Variants in L3MBTL4 observed in about 807,000 individuals in gnomAD.
L3MBTL4 encodes lethal(3)malignant brain tumor-like protein 4.
In L3MBTL4, 70 loss-of-function variants were observed where a neutral mutation model predicts 84.5. That is an observed-to-expected ratio of 0.83 (90% CI 0.68 to 1.01). The LOEUF (loss-of-function observed/expected upper bound fraction) is 1.01, where lower values mean the gene tolerates loss of function less well. Among genes scored for constraint, L3MBTL4 ranks in the 50% least tolerant of loss-of-function variants. L3MBTL4 has a pLI of 0.00. For missense variants in L3MBTL4, 715 were observed against 754.8 expected (o/e 0.95, Z 0.62); for synonymous variants, 274 against 259.8 (o/e 1.05, Z -0.52).
intron 13 of L3MBTL4, 128 bp from the exon 14 acceptor site, chr18:6,138,424 A>G (rs571970865): frequency 6.8e-6 from 4 of 589,094 alleles, no homozygotes; most frequent in Non-Finnish European, 1.2e-5. Flanking sequence ...AACCACTTAC[A>G]GGTGACTTAC....
At chr18:6,188,081 T>G (rs2044868940) in intron 12 of L3MBTL4, among the ~76,000 whole-genome samples, 2 of 151,984 alleles carry the variant, frequency 1.3e-5, no homozygotes, top group Non-Finnish European at 2.9e-5. Context: ...TCCTGAGTAT[T>G]TCAAGTCTAT....
At chr18:5,980,037 G>A (rs1036445690) in intron 16 of L3MBTL4, among the ~76,000 whole-genome samples, 1 of 152,192 alleles carries the variant, frequency 6.6e-6, no homozygotes, top group African/African-American at 2.4e-5. Context: ...GCTTGTCCCT[G>A]GCACAGAAAG....
At chr18:6,115,379 C>T (rs2059326565) in intron 14 of L3MBTL4, among the ~76,000 whole-genome samples, 2 of 152,158 alleles carry the variant, frequency 1.3e-5, no homozygotes, top group South Asian at 2.1e-4. Flanking sequence ...AGAATTTAGT[C>T]ATAATCAGAA....
At chr18:6,033,814 T>C (rs76859105) in intron 16 of L3MBTL4, among the ~76,000 whole-genome samples, 2,415 of 152,310 alleles carry the variant, frequency 0.016, 76 homozygotes, top group African/African-American at 0.055. Flanking sequence ...AACTCTGCTC[T>C]CACCCTTTTT....
At position 6,030,237 on chromosome 18, in the gene L3MBTL4, A is replaced by G. The variant is rs568675004; in HGVS notation, c.1444+50644T>C. ...CAAGGGAGGAAACTGAAGGCTGAGG[A>G]TCAGGTTCAGGGAGAGATACCCCCT... is the stretch of plus-strand genomic sequence containing the variant. On this transcript the variant is annotated intron_variant, in intron 16 of 18. Coordinates refer to ENST00000317931, the MANE Select transcript of L3MBTL4 (RefSeq NM_001330559.2). 192 of 935,582 alleles carry G rather than the reference A, an allele frequency of 2.1e-4. 3 individuals are homozygous for G. In the South Asian group the frequency reaches 8.6e-3, roughly 42 times the overall value. 58.0% of individuals were successfully genotyped at this position (935,582 alleles called of 1,614,324 possible).
At chr18:6,053,059 T>A (rs766380483) in intron 16 of L3MBTL4, among the ~76,000 whole-genome samples, 1 of 152,208 alleles carries the variant, frequency 6.6e-6, no homozygotes, top group Non-Finnish European at 1.5e-5. Context: ...CCTTGTTCAT[T>A]GTGTCTTTCT....
intron 4 of L3MBTL4, among the ~76,000 whole-genome samples, chr18:6,294,326 T>C (rs2049996809): frequency 6.6e-6 from 1 of 152,188 alleles, no homozygotes; most frequent in Non-Finnish European, 1.5e-5. Flanking sequence ...AAAATAGGCA[T>C]GTCAGCAAAT....
At chr18:6,064,999 C>T (rs2057354285) in intron 16 of L3MBTL4, among the ~76,000 whole-genome samples, 1 of 151,794 alleles carries the variant, frequency 6.6e-6, no homozygotes, top group Non-Finnish European at 1.5e-5. Flanking sequence ...CCTTATATGG[C>T]TTTTGTTATT....
At chr18:6,044,759 G>C (rs148100784) in intron 16 of L3MBTL4, among the ~76,000 whole-genome samples, 209 of 152,280 alleles carry the variant, frequency 1.4e-3, no homozygotes, top group African/African-American at 4.9e-3. Context: ...GCACAGAAGA[G>C]GTCTGCCCTG....
intron 14 of L3MBTL4, among the ~76,000 whole-genome samples, chr18:6,130,276 A>T (rs1423526802): frequency 6.7e-6 from 1 of 148,764 alleles, no homozygotes; most frequent in Non-Finnish European, 1.5e-5. Flanking sequence ...ACACACATTC[A>T]CTCACAAAGG....
Position 6,180,410 on chromosome 18 carries a change from A to G in L3MBTL4, c.982-8468T>C, listed in dbSNP as rs1599034632. On this transcript the variant is annotated intron_variant, in intron 12 of 18. Coordinates refer to ENST00000317931, the MANE Select transcript of L3MBTL4 (RefSeq NM_001330559.2). ...CTGAAGTGCTGTTCTGTGGTTTTGGAACCGGCTGCCCCTAGGTTTGTTCCT... is the reference window on the plus strand; with the variant it reads ...CTGAAGTGCTGTTCTGTGGTTTTGGGACCGGCTGCCCCTAGGTTTGTTCCT... Among the ~76,000 whole-genome samples the G allele has an allele frequency of 2.0e-5, 3 of 152,038 alleles. No homozygotes were observed. In the East Asian group the frequency reaches 5.8e-4, roughly 29 times the overall value.
intron 14 of L3MBTL4, among the ~76,000 whole-genome samples, chr18:6,096,917 G>T (rs2058662241): frequency 6.6e-6 from 1 of 152,200 alleles, no homozygotes; most frequent in South Asian, 2.1e-4. Context: ...GAAACTGCAG[G>T]CTGAGAGGGG....
At chr18:6,173,971 C>G (rs1360981240) in intron 12 of L3MBTL4, among the ~76,000 whole-genome samples, 1 of 152,022 alleles carries the variant, frequency 6.6e-6, no homozygotes, top group African/African-American at 2.4e-5. Context: ...GGAGAAACCT[C>G]AATTAACACT....
chr18:6,122,170 CTG>C (rs1224752890), intron 14 of L3MBTL4, among the ~76,000 whole-genome samples: 1 of 151,850 alleles, frequency 6.6e-6, no homozygotes, highest in African/African-American at 2.4e-5. Context: ...TGAAAACATT[CTG>C]TTAGTGGTTA....
At chr18:6,216,217 G>GA (rs138594944) in intron 10 of L3MBTL4, among the ~76,000 whole-genome samples, 5,337 of 151,304 alleles carry the variant, frequency 0.035, 319 homozygotes, top group African/African-American at 0.12. Context: ...CCATGAATTG[G>GA]AAAAAAAAGA....
At chr18:6,072,773 A>G (rs557757506) in intron 16 of L3MBTL4, among the ~76,000 whole-genome samples, 16 of 146,712 alleles carry the variant, frequency 1.1e-4, no homozygotes, top group Middle Eastern at 3.4e-3. Flanking sequence ...GGAGTATGGC[A>G]TGAACCCGGG....
chr18:6,179,827 A>C (rs2044387172), intron 12 of L3MBTL4, among the ~76,000 whole-genome samples: 1 of 152,100 alleles, frequency 6.6e-6, no homozygotes. Context: ...TTGTAGAGTC[A>C]AGGTCTTGCT....
chr18:6,315,823 C>T (rs2051064023), intron 1 of L3MBTL4, among the ~76,000 whole-genome samples: 1 of 152,188 alleles, frequency 6.6e-6, no homozygotes, highest in African/African-American at 2.4e-5. Flanking sequence ...TATGTCATGG[C>T]AGCCACCTAC....
intron 14 of L3MBTL4, among the ~76,000 whole-genome samples, chr18:6,133,752 A>C (rs548746726): frequency 3.9e-5 from 6 of 152,156 alleles, no homozygotes; most frequent in South Asian, 2.1e-4. Flanking sequence ...TGCCAGGGAA[A>C]GGCAGCCTCC....
Sources: gnomAD v4.1 joint callset for allele counts (sites outside exome capture counted in the v4.1 genomes callset) on GRCh38, gnomAD v4.1.1 for gene constraint, MANE v1.5 for transcripts, NCBI Gene and HGNC (gene_info 2026-07-23, HGNC 2026-07-21) for gene names.